The following NCKAP5 variants were observed in gnomAD, a reference collection of about 807,000 sequenced individuals.
The protein encoded by NCKAP5 is nck-associated protein 5.
In NCKAP5, 92 loss-of-function variants were observed where a neutral mutation model predicts 167.0. The observed-to-expected ratio is 0.55, with a 90% confidence interval of 0.47 to 0.66. The LOEUF (loss-of-function observed/expected upper bound fraction) is 0.66. NCKAP5 is among the 30% of genes least tolerant of loss of function. The pLI, the probability that NCKAP5 is intolerant of heterozygous loss-of-function variation, is 0.00. For synonymous variants in NCKAP5, 891 were observed against 877.4 expected (o/e 1.02, Z -0.27); for missense variants, 2,378 against 2,315.0 (o/e 1.03, Z -0.56).
rs139294797 is a variant in NCKAP5, at chr2:133,092,876, T to C, written c.341+37102A>G. On this transcript the variant is annotated intron_variant, in intron 6 of 19. Transcript: ENST00000409261. ...GATGGCACAATCAGAATTAGAGGAA[T>C]ATAGGGGTTCAATTGTAGAAAAAGA... is the stretch of plus-strand genomic sequence containing the variant. 1.3e-4 allele frequency among the ~76,000 whole-genome samples: 20 copies of C among 152,286 alleles called. No homozygotes were observed. In the East Asian group the frequency reaches 1.9e-3, roughly 15 times the overall value.
At position 132,785,329 on chromosome 2, in the gene NCKAP5, C is replaced by T; in HGVS notation, c.1482G>A (p.Gln494=). ...TLALLQAVPN[Q]SCRPHGSKLT... ...ATTTACTGCCATGTGGCCTGCAGCT[C>T]TGGTTTGGAACTGCTTGGAGCAATG... Residue 494 remains glutamine (Q), a synonymous_variant, in exon 14 of 20, where the codon CAG becomes CAA. Transcript: ENST00000409261. 1 of 1,612,956 alleles carries T rather than the reference C, an allele frequency of 6.2e-7. No individual in the cohort carries two copies. Among genetic ancestry groups the T allele is most frequent in the Non-Finnish European group, 8.5e-7 (1 of 1,179,354 alleles).
chr2:133,572,843 C>T (rs574608470), upstream of NCKAP5, among the ~76,000 whole-genome samples: 4 of 152,282 alleles, frequency 2.6e-5, no homozygotes, highest in South Asian at 4.1e-4. Context: ...GTGTTTAGAA[C>T]GTGGCCCATG....
the NCKAP5 span, among the ~76,000 whole-genome samples, chr2:133,597,645 G>T: frequency 4.9e-5 from 6 of 121,596 alleles, no homozygotes; most frequent in African/African-American, 2.0e-4. Context: ...ATGCACTCCA[G>T]CCTGGGAGAC....
intron 8 of NCKAP5, among the ~76,000 whole-genome samples, chr2:132,952,494 T>C (rs2076218428): frequency 6.6e-6 from 1 of 152,190 alleles, no homozygotes; most frequent in Non-Finnish European, 1.5e-5. Context: ...AATGTTTTTT[T>C]CTTTCTCTCA....
At chr2:133,154,841 C>G (rs1475762360) in intron 5 of NCKAP5, among the ~76,000 whole-genome samples, 2 of 152,154 alleles carry the variant, frequency 1.3e-5, no homozygotes, top group Admixed American at 6.6e-5. Flanking sequence ...TTTTATCTGG[C>G]AAAAAGCCAG....
chr2:133,177,243 C>T (rs1009573550), intron 5 of NCKAP5, among the ~76,000 whole-genome samples: 2 of 151,034 alleles, frequency 1.3e-5, no homozygotes, highest in African/African-American at 4.9e-5. Flanking sequence ...GTGATCACAG[C>T]GTTGTAAGGC....
At chr2:132,788,062 T>G (rs2105091450) in intron 13 of NCKAP5, among the ~76,000 whole-genome samples, 1 of 152,270 alleles carries the variant, frequency 6.6e-6, no homozygotes, top group South Asian at 2.1e-4. Context: ...CCTTCAGTCC[T>G]CTATAGGAGG....
intron 6 of NCKAP5, among the ~76,000 whole-genome samples, chr2:133,092,126 A>G (rs1272689159): frequency 6.6e-6 from 1 of 152,202 alleles, no homozygotes; most frequent in Non-Finnish European, 1.5e-5. Flanking sequence ...ATGTCTACCT[A>G]GAAAAAACAA....
chr2:133,488,696 G>T (rs1163954114), intron 3 of NCKAP5, among the ~76,000 whole-genome samples: 1 of 151,988 alleles, frequency 6.6e-6, no homozygotes, highest in Non-Finnish European at 1.5e-5. Flanking sequence ...GGCTAAGGTG[G>T]GCGGATCATG....
In NCKAP5 at chr2:133,189,974, A is replaced by G. The variant is rs1371787247; in HGVS notation, c.207+23742T>C. ...AAGGGTATTCAATTAGGAAAAGAGGAAGTCAAATTGTCCCTGTTTGCAGAT... is the reference window on the plus strand; with the variant it reads ...AAGGGTATTCAATTAGGAAAAGAGGGAGTCAAATTGTCCCTGTTTGCAGAT... On this transcript the variant is annotated intron_variant, in intron 5 of 19. Transcript: ENST00000409261. Among the ~76,000 whole-genome samples, 6 of 152,324 alleles carry G rather than the reference A, an allele frequency of 3.9e-5. No individual in the cohort carries two copies. The East Asian group carries it at 1.2e-3, about 29-fold the overall frequency.
At chr2:133,191,917 A>C (rs888327097) in intron 5 of NCKAP5, among the ~76,000 whole-genome samples, 1 of 151,136 alleles carries the variant, frequency 6.6e-6, no homozygotes, top group Admixed American at 6.6e-5. Flanking sequence ...TTAAAGTATA[A>C]AAAAAAAATT....
At chr2:133,287,585 T>C (rs946075337) in intron 4 of NCKAP5, among the ~76,000 whole-genome samples, 1 of 152,216 alleles carries the variant, frequency 6.6e-6, no homozygotes, top group African/African-American at 2.4e-5. Context: ...AACCCTGTGT[T>C]AGTCATCATT....
At position 133,264,291 on chromosome 2, in the gene NCKAP5, G is replaced by A. The variant is rs72985697; in HGVS notation, c.143+38746C>T. The stretch of plus-strand genomic sequence containing the variant: ...TAAGCAGGATTGGTGAGCATTACTG[G>A]GCCTTTTGGTGGAATCCTTGCTATT... On this transcript the variant is annotated intron_variant, in intron 4 of 19. Coordinates refer to ENST00000409261, the MANE Select transcript of NCKAP5 (RefSeq NM_207363.3). 4.5e-3 allele frequency among the ~76,000 whole-genome samples: 679 copies of A among 152,252 alleles called. 7 individuals carry two copies. Among genetic ancestry groups the A allele is most frequent in the African/African-American group, 0.015 (625 of 41,542 alleles).
At chr2:133,634,627 T>C in the NCKAP5 span, among the ~76,000 whole-genome samples, 1 of 152,306 alleles carries the variant, frequency 6.6e-6, no homozygotes, top group South Asian at 2.1e-4. Context: ...TTTCTAAATA[T>C]AGAAACATTT....
intron 16 of NCKAP5, among the ~76,000 whole-genome samples, chr2:132,761,053 T>C (rs1680961796): frequency 7.0e-6 from 1 of 141,938 alleles, no homozygotes; most frequent in Non-Finnish European, 1.5e-5. Context: ...TTTTTCCCCC[T>C]CTTTTTTCCC....
rs545605470 is a variant in NCKAP5, at chr2:133,345,333, T to C, written c.70-42223A>G. The stretch of plus-strand genomic sequence containing the variant: ...AAGTTTGCGTTTTTGACATTAAAGT[T>C]TACTTTTAAATTAAAAAAAAAAGAT... On this transcript the variant is annotated intron_variant, in intron 3 of 19. Transcript: ENST00000409261. Among the ~76,000 whole-genome samples, 4 of 152,232 alleles carry C rather than the reference T, an allele frequency of 2.6e-5. No individual in the cohort carries two copies. The South Asian group carries it at 8.3e-4, about 32-fold the overall frequency.
chr2:132,982,561 TACCTA>T (rs2077171739), intron 7 of NCKAP5, among the ~76,000 whole-genome samples: 1 of 152,226 alleles, frequency 6.6e-6, no homozygotes, highest in African/African-American at 2.4e-5. Context: ...GCAGATTTAT[TACCTA>T]GATATATTGC....
At chr2:132,826,056 T>C (rs1558826603) in intron 11 of NCKAP5, among the ~76,000 whole-genome samples, 1 of 152,254 alleles carries the variant, frequency 6.6e-6, no homozygotes, top group African/African-American at 2.4e-5. Context: ...TTTCAATTGC[T>C]TATTTAAAAG....
chr2:133,009,941 G>A (rs1253016523), intron 6 of NCKAP5, among the ~76,000 whole-genome samples: 1 of 151,914 alleles, frequency 6.6e-6, no homozygotes, highest in Non-Finnish European at 1.5e-5. Flanking sequence ...CGTGGTGGCG[G>A]GTGCCTGTAG....
Sources: allele counts gnomAD v4.1 joint callset (sites outside exome capture counted in the v4.1 genomes callset), GRCh38; gene constraint gnomAD v4.1.1; transcripts MANE v1.5; gene names NCBI Gene and HGNC (gene_info 2026-07-23, HGNC 2026-07-21).